The following CAMKMT variants were observed in gnomAD, a reference collection of about 807,000 sequenced individuals.
The protein encoded by CAMKMT is calmodulin-lysine N-methyltransferase, also known as CaM KMT.
In CAMKMT, 53 loss-of-function variants were observed where a neutral mutation model predicts 48.0. The ratio of observed to expected loss-of-function variants is 1.10; its 90% CI spans 0.89 to 1.39. The LOEUF is 1.39. Among genes scored for constraint, CAMKMT ranks in the 40% most tolerant of loss-of-function variants. CAMKMT has a pLI of 0.00. For missense variants in CAMKMT, 428 were observed against 402.7 expected (o/e 1.06, Z -0.54); for synonymous variants, 165 against 152.3 (o/e 1.08, Z -0.61).
intron 7 of CAMKMT, among the ~76,000 whole-genome samples, chr2:44,730,320 C>G (rs959109910): frequency 6.6e-6 from 1 of 152,208 alleles, no homozygotes; most frequent in Non-Finnish European, 1.5e-5. Flanking sequence ...ATACCTTCCC[C>G]AACTTGTCCA....
At chr2:44,530,513 A>G (rs1475308086) in intron 3 of CAMKMT, among the ~76,000 whole-genome samples, 2 of 152,128 alleles carry the variant, frequency 1.3e-5, no homozygotes, top group African/African-American at 4.8e-5. Flanking sequence ...TATCTAGAAA[A>G]TCACTGATGT....
chr2:44,537,524 C>A (rs1275540540), intron 3 of CAMKMT, among the ~76,000 whole-genome samples: 1 of 152,048 alleles, frequency 6.6e-6, no homozygotes, highest in Non-Finnish European at 1.5e-5. Context: ...CAAAAAATAA[C>A]AGATGCTGGT....
intron 8 of CAMKMT, among the ~76,000 whole-genome samples, chr2:44,746,614 TTG>T (rs1333341947): frequency 1.3e-5 from 2 of 152,164 alleles, no homozygotes; most frequent in African/African-American, 2.4e-5. Context: ...CCTAAATAAC[TTG>T]TAAAATGTCA....
At chr2:44,771,552 T>C (rs1038944821) in intron 10 of CAMKMT, among the ~76,000 whole-genome samples, 1 of 152,146 alleles carries the variant, frequency 6.6e-6, no homozygotes, top group African/African-American at 2.4e-5. Flanking sequence ...TTAAAACCCC[T>C]AAGAAGCACC....
In CAMKMT at chr2:44,572,305, C is replaced by G. The variant is rs571188000; in HGVS notation, c.377-131978C>G. Among the ~76,000 whole-genome samples, 25 of 152,288 alleles carry G rather than the reference C, an allele frequency of 1.6e-4. No individual in the cohort carries two copies. The South Asian group carries it at 4.6e-3, about 28-fold the overall frequency. On this transcript the variant is annotated intron_variant, in intron 3 of 10. Transcript: ENST00000378494. ...CAAGCAATCTTCCCATCATGGCCTCCCAAAGTGCTGGGATTACAGGCGTGA... is the reference window on the plus strand; with the variant it reads ...CAAGCAATCTTCCCATCATGGCCTCGCAAAGTGCTGGGATTACAGGCGTGA...
At chr2:44,388,757 C>G (rs1245807226) in intron 2 of CAMKMT, among the ~76,000 whole-genome samples, 1 of 152,158 alleles carries the variant, frequency 6.6e-6, no homozygotes, top group Non-Finnish European at 1.5e-5. Flanking sequence ...ATGAGCAGAA[C>G]TGCTGTGATG....
chr2:44,388,215 TTC>T (rs2104407042), intron 2 of CAMKMT, among the ~76,000 whole-genome samples: 1 of 152,278 alleles, frequency 6.6e-6, no homozygotes, highest in South Asian at 2.1e-4. Flanking sequence ...CTTATTCTTT[TTC>T]TCTTTGTTGG....
Position 44,754,046 on chromosome 2 carries a change from C to T in CAMKMT, c.699-9C>T, listed in dbSNP as rs377753353. The T allele has an allele frequency of 6.5e-5, 105 of 1,612,336 alleles. 1 individual carries two copies. The East Asian group carries it at 2.0e-3, about 30-fold the overall frequency. On this transcript the variant is annotated splice_polypyrimidine_tract_variant and intron_variant, in intron 8 of 10. Transcript: ENST00000378494. ...TTTAATCTGGATTCTGCTCTCTTCT[C>T]AATGTCAGCCTGTTTCTGGACCAGT...
chr2:44,422,149 T>C (rs376306715), intron 3 of CAMKMT, among the ~76,000 whole-genome samples: 17 of 152,308 alleles, frequency 1.1e-4, no homozygotes, highest in African/African-American at 4.1e-4. Context: ...GTCCTTGTAA[T>C]AGTGAGTACT....
At chr2:44,754,634 T>C (rs1001689016) in intron 9 of CAMKMT, among the ~76,000 whole-genome samples, 3 of 152,186 alleles carry the variant, frequency 2.0e-5, no homozygotes, top group African/African-American at 7.2e-5. Flanking sequence ...TATTTACATA[T>C]TATAAACATT....
At chr2:44,589,883 T>TAAAAAAAAAAAAAAAA (rs1218817837) in intron 3 of CAMKMT, among the ~76,000 whole-genome samples, 11 of 23,196 alleles carry the variant, frequency 4.7e-4, no homozygotes, top group East Asian at 7.9e-4. Context: ...GAATGATCAA[T>TAAAAAAAAAAAAAAAA]AAAAAAAAAA....
intron 3 of CAMKMT, among the ~76,000 whole-genome samples, chr2:44,538,381 A>AG (rs1187127295): frequency 2.0e-5 from 3 of 151,814 alleles, no homozygotes; most frequent in Non-Finnish European, 4.4e-5. Context: ...AACAAAAAAA[A>AG]AAAAGAAAAG....
intron 3 of CAMKMT, among the ~76,000 whole-genome samples, chr2:44,499,672 C>G (rs186866801): frequency 6.6e-6 from 1 of 152,190 alleles, no homozygotes; most frequent in East Asian, 1.9e-4. Flanking sequence ...TGAAATTCTT[C>G]TAATATTACT....
intron 3 of CAMKMT, among the ~76,000 whole-genome samples, chr2:44,422,621 G>A (rs1360634523): frequency 6.6e-6 from 1 of 151,882 alleles, no homozygotes; most frequent in African/African-American, 2.4e-5. Context: ...TCTGTATTTT[G>A]CCTTACTCCC....
intron 3 of CAMKMT, among the ~76,000 whole-genome samples, chr2:44,401,563 AT>A (rs1009825996): frequency 5.3e-5 from 8 of 152,118 alleles, no homozygotes; most frequent in South Asian, 4.1e-4. Context: ...AAAAAAAAAA[AT>A]AAAATAAAAT....
At chr2:44,465,847 T>TA (rs1668083112) in intron 3 of CAMKMT, among the ~76,000 whole-genome samples, 1 of 152,148 alleles carries the variant, frequency 6.6e-6, no homozygotes, top group Admixed American at 6.5e-5. Flanking sequence ...TGGAAAAAGA[T>TA]ACTCCATGCA....
intron 7 of CAMKMT, among the ~76,000 whole-genome samples, chr2:44,723,049 C>T (rs1416939708): frequency 6.6e-6 from 1 of 152,134 alleles, no homozygotes. Context: ...GTTTTAAAGT[C>T]AGTCCAGAAA....
intron 3 of CAMKMT, among the ~76,000 whole-genome samples, chr2:44,394,671 A>AC (rs1226964227): frequency 1.3e-5 from 2 of 150,714 alleles, no homozygotes; most frequent in Non-Finnish European, 1.5e-5. Flanking sequence ...CAGGTGATTT[A>AC]CCCGCCACAG....
At chr2:44,634,726 A>G (rs767963113) in intron 3 of CAMKMT, among the ~76,000 whole-genome samples, 9 of 134,368 alleles carry the variant, frequency 6.7e-5, no homozygotes, top group Non-Finnish European at 1.1e-4. Flanking sequence ...ATAAGTAACT[A>G]TATGGTGTGG....
Sources: gnomAD v4.1 joint callset for allele counts (sites outside exome capture counted in the v4.1 genomes callset) on GRCh38, gnomAD v4.1.1 for gene constraint, MANE v1.5 for transcripts, NCBI Gene and HGNC (gene_info 2026-07-23, HGNC 2026-07-21) for gene names.